TERF1: variants seen among roughly 807,000 people sequenced by gnomAD.
TERF1 encodes telomeric repeat-binding factor 1.
TERF1 carries 20 observed loss-of-function variants against 55.1 expected under a neutral mutation model. That is an observed-to-expected ratio of 0.36 (90% confidence interval 0.26 to 0.53). TERF1 has a LOEUF of 0.53. TERF1 is among the 20% of genes least tolerant of loss of function. The probability of loss-of-function intolerance (pLI) is 0.91; values close to 1 mark genes in which losing one functional copy is unlikely to be tolerated. For missense variants in TERF1, 439 were observed against 535.7 expected, an observed-to-expected ratio of 0.82 and a Z score of 1.78; for synonymous variants, 168 against 181.2, an observed-to-expected ratio of 0.93 and a Z score of 0.59.
At chr8:73,038,848 A>G (rs1809712711) in intron 8 of TERF1, 9 of 670,104 alleles carry the variant, frequency 1.3e-5, no homozygotes, top group Non-Finnish European at 1.3e-5. Flanking sequence ...TTTTTTTTAA[A>G]CAGATAATGG....
intron 9 of TERF1, among the ~76,000 whole-genome samples, chr8:73,039,613 T>A (rs1010536892): frequency 6.6e-6 from 1 of 152,190 alleles, no homozygotes; most frequent in Non-Finnish European, 1.5e-5. Flanking sequence ...CACAAAATTT[T>A]ATTAAGGTGG....
At chr8:73,017,684 G>GTATAGGC (rs2129748394) in intron 2 of TERF1, among the ~76,000 whole-genome samples, 1 of 151,264 alleles carries the variant, frequency 6.6e-6, no homozygotes, top group East Asian at 2.0e-4. Flanking sequence ...TGGGAGATGG[G>GTATAGGC]TATAGGCATC....
chr8:73,023,117 T>C (rs559571647), intron 4 of TERF1, among the ~76,000 whole-genome samples: 87 of 152,278 alleles, frequency 5.7e-4, no homozygotes, highest in Non-Finnish European at 1.1e-3. Flanking sequence ...TTTTCCCCCA[T>C]ACATTTTGTG....
chr8:73,040,495 T>C (rs1193112824), intron 9 of TERF1, among the ~76,000 whole-genome samples: 1 of 152,204 alleles, frequency 6.6e-6, no homozygotes. Flanking sequence ...AGGGAAATGC[T>C]AACCTTATGC....
At chr8:73,039,817 T>TG in intron 9 of TERF1, among the ~76,000 whole-genome samples, 2 of 107,934 alleles carry the variant, frequency 1.9e-5, no homozygotes, top group Non-Finnish European at 4.1e-5. Flanking sequence ...GTGTGTGTGT[T>TG]TCCCCCTTTT....
intron 3 of TERF1, 47 bp from the exon 4 acceptor site, chr8:73,022,169 T>C (rs759717946): frequency 5.2e-6 from 6 of 1,145,206 alleles, no homozygotes; most frequent in Non-Finnish European, 6.3e-6. Context: ...AAATAACTAT[T>C]GGGTATTTAT....
chr8:73,037,807 AT>A (rs1423233017), intron 8 of TERF1, among the ~76,000 whole-genome samples: 4 of 101,284 alleles, frequency 3.9e-5, no homozygotes, highest in East Asian at 2.3e-4. Flanking sequence ...ATAATAATAT[AT>A]ATATTATATA....
At chr8:73,028,626 C>G (rs550685646) in intron 6 of TERF1, among the ~76,000 whole-genome samples, 5 of 139,612 alleles carry the variant, frequency 3.6e-5, no homozygotes, top group Non-Finnish European at 7.6e-5. Flanking sequence ...GCATGAACTC[C>G]TCCCTGTCCA....
chr8:73,037,401 G>C (rs1333735979), intron 8 of TERF1, among the ~76,000 whole-genome samples: 1 of 120,838 alleles, frequency 8.3e-6, no homozygotes, highest in African/African-American at 3.1e-5. Context: ...AATATTTGGG[G>C]GGAAAATACA....
intron 9 of TERF1, among the ~76,000 whole-genome samples, chr8:73,043,806 A>G (rs756576929): frequency 3.0e-4 from 46 of 152,248 alleles, no homozygotes; most frequent in Non-Finnish European, 5.7e-4. Flanking sequence ...TCAGATAAGA[A>G]CAAGAAAACA....
intron 2 of TERF1, among the ~76,000 whole-genome samples, chr8:73,018,336 A>T (rs576209308): frequency 6.6e-6 from 1 of 152,212 alleles, no homozygotes; most frequent in Non-Finnish European, 1.5e-5. Flanking sequence ...TTTAAACTGC[A>T]TGCTCACTCT....
chr8:73,046,750 T>A lies in TERF1; in HGVS notation c.*613T>A, dbSNP rs1306199937. The A allele has an allele frequency of 6.6e-6, 1 of 152,112 alleles. No homozygotes were observed. Among genetic ancestry groups the A allele is most frequent in the African/African-American group, 2.4e-5 (1 of 41,412 alleles). 9.4% of individuals were successfully genotyped at this position (152,112 alleles called of 1,614,324 possible). On this transcript the variant is annotated 3_prime_UTR_variant, in exon 10 of 10. Transcript: ENST00000276603. ...ACTTCATGATCCACCCACCTCGGCC[T>A]CCCAAAGTGCTGAGATTACAGACGT...
chr8:73,028,883 T>A (rs1190626544), intron 6 of TERF1, among the ~76,000 whole-genome samples: 1 of 152,206 alleles, frequency 6.6e-6, no homozygotes, highest in East Asian at 1.9e-4. Context: ...AGATTGAGAA[T>A]TATTTGAAGG....
At chr8:73,014,820 G>C (rs1026179498) in intron 2 of TERF1, among the ~76,000 whole-genome samples, 2 of 152,160 alleles carry the variant, frequency 1.3e-5, no homozygotes, top group Non-Finnish European at 2.9e-5. Flanking sequence ...TGCTTTGTTT[G>C]GGGGGTGAGG....
chr8:73,009,423 A>G, intron 1 of TERF1: 1 of 572,744 alleles, frequency 1.7e-6, no homozygotes, highest in East Asian at 3.0e-5. Flanking sequence ...CGATAAAATG[A>G]AAATAAGACC....
At chr8:73,015,494 G>C (rs1275984711) in intron 2 of TERF1, among the ~76,000 whole-genome samples, 1 of 151,772 alleles carries the variant, frequency 6.6e-6, no homozygotes, top group East Asian at 1.9e-4. Context: ...TTGAGCCTAA[G>C]AATTTGACAC....
chr8:73,038,047 G>C (rs1809678574), intron 8 of TERF1, among the ~76,000 whole-genome samples: 1 of 148,532 alleles, frequency 6.7e-6, no homozygotes, highest in Admixed American at 7.0e-5. Context: ...TAGGTAGGTA[G>C]GTAGGTAAGT....
At chr8:73,014,256 AC>A (rs1808401276) in intron 2 of TERF1, among the ~76,000 whole-genome samples, 1 of 145,454 alleles carries the variant, frequency 6.9e-6, no homozygotes, top group South Asian at 2.2e-4. Context: ...AAAAAAAAAA[AC>A]ATAGTGCTGA....
intron 8 of TERF1, among the ~76,000 whole-genome samples, chr8:73,036,065 A>T (rs904209825): frequency 1.3e-5 from 2 of 152,242 alleles, no homozygotes. Context: ...CCCTACCCCA[A>T]GTCCGGTGGA....
Sources: allele counts gnomAD v4.1 joint callset (sites outside exome capture counted in the v4.1 genomes callset), GRCh38; gene constraint gnomAD v4.1.1; transcripts MANE v1.5; gene names NCBI Gene and HGNC (gene_info 2026-07-23, HGNC 2026-07-21).